WDR47: variants seen among roughly 807,000 people sequenced by gnomAD.
The protein encoded by WDR47 is WD repeat-containing protein 47.
A neutral mutation model predicts 97.2 loss-of-function variants in WDR47; 32 were observed. The observed-to-expected ratio is 0.33, with a 90% CI of 0.25 to 0.44. The LOEUF is 0.44. Ranked by LOEUF, WDR47 falls within the 20% of genes least tolerant of loss-of-function variation. WDR47 has a pLI of 1.00. For synonymous variants in WDR47, 375 were observed against 373.5 expected (o/e 1.00, Z -0.05); for missense variants, 782 against 1,102.3 (o/e 0.71, Z 4.11).
At chr1:109,010,711 T>G (rs953643026) in intron 5 of WDR47, among the ~76,000 whole-genome samples, 1 of 150,918 alleles carries the variant, frequency 6.6e-6, no homozygotes, top group Non-Finnish European at 1.5e-5. Context: ...GCCTCCTGAA[T>G]AGCTGGGACT....
At chr1:109,004,489 C>T in intron 6 of WDR47, 103 bp downstream of exon 6, 6 of 1,326,488 alleles carry the variant, frequency 4.5e-6, no homozygotes, top group Non-Finnish European at 6.0e-6. Flanking sequence ...TATATTATTT[C>T]CTACTCCCAA....
chr1:109,016,922 T>C (rs1661461351), intron 3 of WDR47, among the ~76,000 whole-genome samples: 1 of 152,162 alleles, frequency 6.6e-6, no homozygotes, highest in Non-Finnish European at 1.5e-5. Flanking sequence ...ACTCTCAGTA[T>C]GTTGAAGGAC....
chr1:108,976,525 CTA>C (rs1219950544), intron 13 of WDR47, among the ~76,000 whole-genome samples: 1 of 152,170 alleles, frequency 6.6e-6, no homozygotes, highest in Non-Finnish European at 1.5e-5. Context: ...AGGCCAGGCA[CTA>C]TGGTAGGTGC....
At chr1:109,019,491 G>A (rs1026487106) in intron 2 of WDR47, among the ~76,000 whole-genome samples, 5 of 151,762 alleles carry the variant, frequency 3.3e-5, no homozygotes, top group Non-Finnish European at 1.5e-5. Flanking sequence ...GGGTGATTTT[G>A]CATTCTGTCA....
intron 14 of WDR47, 140 bp from the exon 15 acceptor site, chr1:108,971,712 G>A: frequency 3.3e-6 from 3 of 918,540 alleles, no homozygotes; most frequent in Non-Finnish European, 4.7e-6. Flanking sequence ...GTTTATACAG[G>A]GATAAATTAC....
At chr1:109,002,123 A>G in intron 7 of WDR47, 101 bp downstream of exon 7, 1 of 1,317,224 alleles carries the variant, frequency 7.6e-7, no homozygotes, top group Non-Finnish European at 1.0e-6. Flanking sequence ...ATGCGTAAAA[A>G]GCCTTAAAAT....
chr1:109,037,057 C>T (rs889944215), intron 1 of WDR47, among the ~76,000 whole-genome samples: 4 of 151,966 alleles, frequency 2.6e-5, no homozygotes, highest in African/African-American at 7.2e-5. Flanking sequence ...TCGCCAGGTG[C>T]GGTGGCTCAC....
chr1:109,001,664 C>A (rs151203449), intron 7 of WDR47, among the ~76,000 whole-genome samples: 11 of 151,896 alleles, frequency 7.2e-5, no homozygotes, highest in Non-Finnish European at 1.5e-4. Context: ...TCAAGGTGGA[C>A]GGATCGCTTG....
intron 1 of WDR47, among the ~76,000 whole-genome samples, chr1:109,027,526 T>C (rs1273897717): frequency 6.6e-6 from 1 of 151,932 alleles, no homozygotes; most frequent in African/African-American, 2.4e-5. Context: ...ATATACTGCA[T>C]ACTTTTTTTT....
intron 7 of WDR47, among the ~76,000 whole-genome samples, chr1:108,999,892 T>A (rs1479887008): frequency 1.3e-5 from 2 of 152,162 alleles, no homozygotes; most frequent in Non-Finnish European, 2.9e-5. Flanking sequence ...CATCCATGAC[T>A]TTTATGGCCA....
At chr1:108,981,996 G>T (rs1225235597) in intron 12 of WDR47, 132 bp from the exon 13 acceptor site, 10 of 976,180 alleles carry the variant, frequency 1.0e-5, no homozygotes, top group Non-Finnish European at 1.5e-5. Flanking sequence ...GCTGAGGCAG[G>T]AGGACTGCTG....
Position 108,995,579 on chromosome 1 carries a change from C to T in WDR47, c.1691+1G>A, listed in dbSNP as rs1300168235. The T allele has an allele frequency of 6.2e-6, 10 of 1,613,662 alleles. No individual in the cohort carries two copies. Among genetic ancestry groups the T allele is most frequent in the African/African-American group, 1.3e-5 (1 of 74,926 alleles). On this transcript the variant is annotated splice_donor_variant, in intron 8 of 14. Coordinates refer to ENST00000369962, the MANE Select transcript of WDR47 (RefSeq NM_001142551.2). LOFTEE classifies it high-confidence loss of function. The stretch of plus-strand genomic sequence containing the variant: ...CAAGTTTTACAAAGTCAAGCACTTA[C>T]ATTTGGCTTCCACAAGGTGATTCCT...
intron 8 of WDR47, among the ~76,000 whole-genome samples, chr1:108,991,852 G>A (rs1022947901): frequency 9.9e-5 from 15 of 151,928 alleles, no homozygotes; most frequent in African/African-American, 2.9e-4. Context: ...TAATAGAGAC[G>A]GGGTCTCCCT....
Position 108,991,256 on chromosome 1 carries a change from C to T in WDR47, c.1765G>A (p.Glu589Lys). Residue 589 changes from glutamate to lysine, a missense_variant and splice_region_variant, in exon 9 of 15, where the codon GAG (glutamate) becomes AAG (lysine). Physicochemically the swap from Glu to Lys is moderately conservative, Grantham distance 56 (BLOSUM62 1). Around this residue, in one of 3 missense-constraint regions of WDR47, gnomAD observed 126 missense variants for 121.3 expected, o/e 1.04. Coordinates refer to ENST00000369962, the MANE Select transcript of WDR47 (RefSeq NM_001142551.2). ...PGSLSRSKGE[E>K]DDKSKKQFVC... ...AACTTCCTTCCCCAAAGTATTACCT[C>T]TTCCCCTTTCGACCTTGAAAGACTC... 3 of 1,612,640 alleles carry T rather than the reference C, an allele frequency of 1.9e-6. No individual in the cohort carries two copies. Among genetic ancestry groups the T allele is most frequent in the Non-Finnish European group, 1.7e-6 (2 of 1,178,982 alleles).
intron 1 of WDR47, among the ~76,000 whole-genome samples, chr1:109,039,483 C>G (rs987762805): frequency 6.6e-6 from 1 of 152,296 alleles, no homozygotes; most frequent in East Asian, 1.9e-4. Flanking sequence ...GTCTCAAACT[C>G]CTGACCTCAC....
At chr1:109,002,598 C>G (rs931188763) in intron 6 of WDR47, among the ~76,000 whole-genome samples, 196 bp from the exon 7 acceptor site, 1 of 152,074 alleles carries the variant, frequency 6.6e-6, no homozygotes, top group Non-Finnish European at 1.5e-5. Context: ...CTTTATTCCA[C>G]GGAAACAGAC....
rs762508981 is a variant in WDR47 at position 108,971,437 on chromosome 1, T to C, written c.2753A>G (p.Asn918Ser). 6 of 1,614,148 alleles carry C rather than the reference T, an allele frequency of 3.7e-6. No individual in the cohort carries two copies. The highest frequency in any genetic ancestry group is 1.1e-5 in the South Asian group (1 of 91,074). Reference sequence around the variant, plus strand: ...ACTGACATGCGGTGTGCTCTACCCATTGTAAGTCCAGAGGGTGACAGTTCT... The same window carrying C: ...ACTGACATGCGGTGTGCTCTACCCACTGTAAGTCCAGAGGGTGACAGTTCT... Reference protein sequence around the residue: ...ADRTVTLWTYNG With the variant: ...ADRTVTLWTYSG Residue 918 changes from asparagine (N) to serine (S), a missense_variant, in exon 15 of 15, where the codon AAT becomes AGT. By Grantham distance (46) the Asn-to-Ser change is conservative. This residue lies in a region of WDR47 where 228 missense variants were observed against 396.7 expected (regional missense o/e 0.57). Coordinates refer to ENST00000369962, the MANE Select transcript of WDR47 (RefSeq NM_001142551.2).
At chr1:109,025,591 G>A (rs112439259) in intron 1 of WDR47, among the ~76,000 whole-genome samples, 16,192 of 151,772 alleles carry the variant, frequency 0.11, 1,001 homozygotes, top group African/African-American at 0.16. Flanking sequence ...AAAATTAGCG[G>A]AGCGTGGTGG....
chr1:109,038,131 G>A (rs754226326), intron 1 of WDR47, among the ~76,000 whole-genome samples: 27 of 151,970 alleles, frequency 1.8e-4, no homozygotes, highest in Non-Finnish European at 2.5e-4. Context: ...GAGCCACCTC[G>A]CCCAGCCCAG....
Sources: gnomAD v4.1 joint callset for allele counts (sites outside exome capture counted in the v4.1 genomes callset) on GRCh38, gnomAD v4.1.1 for gene constraint, gnomAD v4.1.1 regional missense constraint, MANE v1.5 for transcripts, NCBI Gene and HGNC (gene_info 2026-07-23, HGNC 2026-07-21) for gene names.